Variants in GYPB observed in about 807,000 individuals in gnomAD.
GYPB encodes the protein glycophorin-B.
Under a neutral mutation model 15.3 loss-of-function variants are expected in GYPB, and 13 were observed. That is an observed-to-expected ratio of 0.85 (90% confidence interval 0.55 to 1.35). GYPB has a LOEUF of 1.35. Ranked by LOEUF, GYPB falls within the 40% of genes most tolerant of loss-of-function variation. The probability of loss-of-function intolerance (pLI) is 0.00; values close to 1 mark genes in which losing one functional copy is unlikely to be tolerated. For synonymous variants in GYPB, 38 were observed against 36.9 expected (o/e 1.03, Z -0.11); for missense variants, 131 against 108.3 (o/e 1.21, Z -0.93).
At position 144,008,779 on chromosome 4, in the gene GYPB, A is replaced by C. The variant is rs558613267; in HGVS notation, c.38-7496T>G. 4.6e-4 allele frequency among the ~76,000 whole-genome samples: 69 copies of C among 151,604 alleles called. 1 individual carries two copies. The South Asian group carries it at 0.012, about 26-fold the overall frequency. ...CCTTTCACTGGTTGAACAATACAAA[A>C]TTGCAGAAATGAAACTAGTTTGTTC... On this transcript the variant is annotated intron_variant, in intron 1 of 4. Coordinates refer to ENST00000502664, the MANE Select transcript of GYPB (RefSeq NM_002100.6).
At chr4:143,998,417 C>G (rs10025455) in intron 3 of GYPB, among the ~76,000 whole-genome samples, 41,419 of 151,064 alleles carry the variant, frequency 0.27, 6,523 homozygotes, top group Middle Eastern at 0.34. Flanking sequence ...TTAAATTATT[C>G]ACAAAAAGTA....
intron 1 of GYPB, among the ~76,000 whole-genome samples, chr4:144,007,384 C>G (rs1381172254): frequency 1.3e-5 from 2 of 151,898 alleles, no homozygotes; most frequent in Admixed American, 6.5e-5. Context: ...ATTGGTAACA[C>G]TTCTTCCTTT....
chr4:143,999,496 C>T, intron 2 of GYPB, 47 bp from the exon 3 acceptor site: 1 of 1,007,022 alleles, frequency 9.9e-7, no homozygotes, highest in South Asian at 1.4e-5. Flanking sequence ...AAGACATGTG[C>T]AAAGAAAAAA....
At chr4:143,996,428 A>G in intron 4 of GYPB, 124 bp from the exon 5 acceptor site, 11 of 1,519,202 alleles carry the variant, frequency 7.2e-6, no homozygotes, top group Non-Finnish European at 8.9e-6. Context: ...GGAGGCTTCT[A>G]AAGGGTACCT....
intron 3 of GYPB, among the ~76,000 whole-genome samples, chr4:143,999,001 A>C (rs1727467304): frequency 6.6e-6 from 1 of 151,224 alleles, no homozygotes; most frequent in African/African-American, 2.5e-5. Context: ...AGGCTCAGGC[A>C]ATGGATCCGA....
intron 1 of GYPB, chr4:144,012,341 T>A (rs974163927): frequency 9.2e-5 from 14 of 151,578 alleles, no homozygotes; most frequent in Admixed American, 8.5e-4. Flanking sequence ...AGCAACTACC[T>A]GAGACCTTGC....
intron 1 of GYPB, among the ~76,000 whole-genome samples, chr4:144,001,946 G>A (rs868401293): frequency 7.9e-6 from 1 of 125,952 alleles, no homozygotes; most frequent in African/African-American, 3.0e-5. Context: ...TCCAGCCTGG[G>A]CGACAGAACG....
In GYPB at chr4:143,999,425, C is replaced by A. The variant is rs370332485; in HGVS notation, c.161G>T (p.Arg54Leu). ...TATTAACATACCTGGTACAGTGAAA[C>A]GATGGACAAGTTGTCCCGTTTCTCC... is the stretch of plus-strand genomic sequence containing the variant. ...TNGETGQLVHRFTVPAPVVII... is the reference protein window; with the variant it reads ...TNGETGQLVHLFTVPAPVVII... Residue 54 changes from arginine (R) to leucine (L), a missense_variant, in exon 3 of 5, where the codon CGT becomes CTT. Transcript: ENST00000502664. 6.5e-7 allele frequency: 1 copy of A among 1,541,476 alleles called. No individual in the cohort carries two copies. Among genetic ancestry groups the A allele is most frequent in the Non-Finnish European group, 8.9e-7 (1 of 1,119,216 alleles).
chr4:144,019,076 T>C lies in GYPB; in HGVS notation c.37+175A>G, dbSNP rs4113793. Among the ~76,000 whole-genome samples, 216 of 151,490 alleles carry C rather than the reference T, an allele frequency of 1.4e-3. 7 individuals carry two copies. The highest frequency in any genetic ancestry group is 4.8e-3 in the African/African-American group (197 of 40,754). On this transcript the variant is annotated intron_variant, in intron 1 of 4. Coordinates refer to ENST00000502664, the MANE Select transcript of GYPB (RefSeq NM_002100.6). ...GCCATAAATACTGGGCTCCCTTGTG[T>C]CATTTCCCCCACATTGGTAGCTGAG...
intron 4 of GYPB, 59 bp downstream of exon 4, chr4:143,997,481 A>C: frequency 1.1e-6 from 1 of 928,134 alleles, no homozygotes; most frequent in South Asian, 1.3e-5. Context: ...CAGAGGAATA[A>C]ACCCTCCTAG....
At chr4:144,008,518 C>T (rs1403013261) in intron 1 of GYPB, 2 of 454,822 alleles carry the variant, frequency 4.4e-6, no homozygotes, top group Non-Finnish European at 8.8e-6. Flanking sequence ...TAAGTTGAAT[C>T]TTAATTTTTC....
intron 1 of GYPB, among the ~76,000 whole-genome samples, chr4:144,012,265 A>G (rs1209493044): frequency 6.6e-6 from 1 of 151,652 alleles, no homozygotes; most frequent in Non-Finnish European, 1.5e-5. Flanking sequence ...GGTACAGGCA[A>G]CATAACATAT....
At chr4:144,017,590 T>G (rs1458527317) in intron 1 of GYPB, among the ~76,000 whole-genome samples, 1 of 151,038 alleles carries the variant, frequency 6.6e-6, no homozygotes, top group Non-Finnish European at 1.5e-5. Context: ...TTTAATTCAC[T>G]ATCTGCTTGT....
chr4:144,006,028 T>C (rs1244689817), intron 1 of GYPB, among the ~76,000 whole-genome samples: 3 of 151,596 alleles, frequency 2.0e-5, no homozygotes, highest in African/African-American at 7.3e-5. Context: ...AGTGGCAAAT[T>C]AGTGCAAAAT....
At chr4:144,013,311 A>G (rs1205071860) in intron 1 of GYPB, among the ~76,000 whole-genome samples, 2 of 150,928 alleles carry the variant, frequency 1.3e-5, no homozygotes, top group Non-Finnish European at 1.5e-5. Context: ...ACACTTTTAC[A>G]CTGTTGGTGG....
intron 1 of GYPB, chr4:144,008,550 G>T: frequency 2.2e-6 from 1 of 453,900 alleles, no homozygotes; most frequent in Non-Finnish European, 4.4e-6. Context: ...ATTCCAATCT[G>T]GTCACTCCTG....
rs768053261 is a variant in GYPB, at chr4:144,019,311, G to C, written c.-24C>G. On this transcript the variant is annotated 5_prime_UTR_variant, in exon 1 of 5. Coordinates refer to ENST00000502664, the MANE Select transcript of GYPB (RefSeq NM_002100.6). ...ATCCTGAGATCATGAGCTGGTTCCT[G>C]AAGTTAGTGCAAAAAAACTACCAAA... 5.0e-6 allele frequency: 8 copies of C among 1,611,638 alleles called. No homozygotes were observed. In the African/African-American group the frequency reaches 6.8e-5, roughly 14 times the overall value.
At chr4:144,008,679 G>A (rs1461011406) in intron 1 of GYPB, among the ~76,000 whole-genome samples, 1 of 151,468 alleles carries the variant, frequency 6.6e-6, no homozygotes, top group African/African-American at 2.5e-5. Context: ...TGGGCTTAAG[G>A]AAGTTGGGCT....
At chr4:144,010,844 T>C (rs2149966387) in intron 1 of GYPB, among the ~76,000 whole-genome samples, 1 of 151,548 alleles carries the variant, frequency 6.6e-6, no homozygotes, top group Non-Finnish European at 1.5e-5. Context: ...GAGAGAATGC[T>C]TTCAAAAACA....
Sources: gnomAD v4.1 joint callset for allele counts (sites outside exome capture counted in the v4.1 genomes callset) on GRCh38, gnomAD v4.1.1 for gene constraint, MANE v1.5 for transcripts, NCBI Gene and HGNC (gene_info 2026-07-23, HGNC 2026-07-21) for gene names.